ACAD10: variants seen among roughly 807,000 people sequenced by gnomAD.
The protein encoded by ACAD10 is acyl-CoA dehydrogenase family member 10, also known as ACAD-10.
Under a neutral mutation model 116.8 loss-of-function variants are expected in ACAD10, and 112 were observed. That is an observed-to-expected ratio of 0.96 (90% CI 0.82 to 1.12). The LOEUF is 1.12. Ranked by LOEUF, ACAD10 falls within the 50% of genes most tolerant of loss-of-function variation. The pLI is 0.00. For synonymous variants in ACAD10, 486 were observed against 510.6 expected (o/e 0.95, Z 0.65); for missense variants, 1,259 against 1,350.2 (o/e 0.93, Z 1.06).
At chr12:111,716,500 A>G (rs770282815) in intron 7 of ACAD10, among the ~76,000 whole-genome samples, 7 of 152,224 alleles carry the variant, frequency 4.6e-5, no homozygotes, top group Non-Finnish European at 1.0e-4. Flanking sequence ...TCTTAAAGAA[A>G]TAATTCTAAG....
Position 111,746,198 on chromosome 12 carries a change from C to T in ACAD10, c.2170C>T (p.Pro724Ser). The change falls in exon 14 of 21, where the codon CCC (proline) becomes TCC (serine). Residue 724 changes from proline (P) to serine (S), a missense_variant. Pro to Ser is a moderately conservative substitution (Grantham distance 74). Transcript: ENST00000313698. The stretch of plus-strand genomic sequence containing the variant: ...CCTTTTCCTACCCTTAGAGGCTGAT[C>T]CCGAGAAAAAATACGGAGCAGGACT... Reference protein sequence around the residue: ...WNLFLPLEADPEKKYGAGLTN... With the variant: ...WNLFLPLEADSEKKYGAGLTN... 6.2e-7 allele frequency: 1 copy of T among 1,613,922 alleles called. No homozygotes were observed. Among genetic ancestry groups the T allele is most frequent in the East Asian group, 2.2e-5 (1 of 44,872 alleles).
Position 111,734,083 on chromosome 12 carries a change from T to G in ACAD10, c.1540+15T>G. On this transcript the variant is annotated intron_variant, in intron 11 of 20. Transcript: ENST00000313698. ...CGTGCTGAGAGGTAGGAACTGCTGC[T>G]GGAGGATAGTGGGGGAGCAAGCCAG... 6.8e-6 allele frequency: 11 copies of G among 1,614,044 alleles called. No individual in the cohort carries two copies. Among genetic ancestry groups the G allele is most frequent in the Non-Finnish European group, 9.3e-6 (11 of 1,179,964 alleles).
chr12:111,692,853 C>T lies in ACAD10; in HGVS notation c.144C>T (p.Asp48=), dbSNP rs1355368278. 6.2e-7 allele frequency: 1 copy of T among 1,614,060 alleles called. No individual in the cohort carries two copies. Among genetic ancestry groups the T allele is most frequent in the Non-Finnish European group, 8.5e-7 (1 of 1,180,034 alleles). The change falls in exon 2 of 21, where the codon GAC becomes GAT. Residue 48 remains aspartate, a synonymous_variant. Transcript: ENST00000313698. ...GCACCTACAGAGCGGTGATTTTCGACATGGGCGGAGTTCTCATTCCTTCTC... is the reference window on the plus strand; with the variant it reads ...GCACCTACAGAGCGGTGATTTTCGATATGGGCGGAGTTCTCATTCCTTCTC... ...GGSTYRAVIF[D]MGGVLIPSPG...
intron 9 of ACAD10, among the ~76,000 whole-genome samples, chr12:111,729,453 A>G (rs1346485716): frequency 1.3e-5 from 2 of 152,128 alleles, no homozygotes; most frequent in Admixed American, 1.3e-4. Context: ...TGGACAGGCC[A>G]GTCTCGAACT....
chr12:111,731,868 A>C (rs942751463), intron 10 of ACAD10, among the ~76,000 whole-genome samples: 3 of 152,178 alleles, frequency 2.0e-5, no homozygotes, highest in African/African-American at 7.2e-5. Context: ...AGATCACTTG[A>C]GGTCAGGAGT....
intron 18 of ACAD10, among the ~76,000 whole-genome samples, chr12:111,752,058 CAA>C (rs545625198): frequency 1.8e-4 from 19 of 104,580 alleles, no homozygotes; most frequent in Non-Finnish European, 1.3e-4. Context: ...TACTCTGTCT[CAA>C]AAAAAAAAAA....
intron 1 of ACAD10, among the ~76,000 whole-genome samples, chr12:111,687,442 AC>A (rs1887902010): frequency 6.6e-6 from 1 of 152,026 alleles, no homozygotes; most frequent in South Asian, 2.1e-4. Context: ...TGTCAGTAGC[AC>A]CTCTCCCCAG....
At chr12:111,752,278 T>TTTGTTG (rs140625855) in intron 18 of ACAD10, among the ~76,000 whole-genome samples, 8 of 151,354 alleles carry the variant, frequency 5.3e-5, no homozygotes, top group South Asian at 2.1e-4. Flanking sequence ...AAAATAATGT[T>TTTGTTG]TTGTTGTTGT....
intron 12 of ACAD10, among the ~76,000 whole-genome samples, chr12:111,740,715 G>A (rs1304891363): frequency 1.4e-5 from 2 of 144,688 alleles, no homozygotes; most frequent in African/African-American, 5.1e-5. Context: ...CAGGGAGTCA[G>A]AGGTTGCAGT....
chr12:111,702,061 G>A, intron 2 of ACAD10, 101 bp from the exon 3 acceptor site: 3 of 1,278,904 alleles, frequency 2.3e-6, no homozygotes, highest in Non-Finnish European at 3.3e-6. Flanking sequence ...CACCCTGGCA[G>A]TACAGCGAGT....
intron 2 of ACAD10, among the ~76,000 whole-genome samples, chr12:111,698,281 A>G (rs1265579431): frequency 6.8e-5 from 10 of 147,864 alleles, no homozygotes; most frequent in Non-Finnish European, 1.3e-4. Context: ...TATAGGCACA[A>G]GCCACTGCAT....
chr12:111,691,257 A>C (rs1293397792), intron 1 of ACAD10: 1 of 152,386 alleles, frequency 6.6e-6, no homozygotes, highest in Non-Finnish European at 1.5e-5. Context: ...TTTGAGGAAC[A>C]GTTACCAGGC....
chr12:111,707,001 C>T (rs1195134344), intron 4 of ACAD10, among the ~76,000 whole-genome samples: 4 of 151,526 alleles, frequency 2.6e-5, no homozygotes, highest in Non-Finnish European at 4.4e-5. Flanking sequence ...TAGTCTCGAA[C>T]TCCTGACCTC....
intron 13 of ACAD10, 107 bp from the exon 14 acceptor site, chr12:111,746,037 G>A: frequency 2.8e-6 from 4 of 1,453,752 alleles, no homozygotes; most frequent in Non-Finnish European, 3.7e-6. Flanking sequence ...ACACGTGCAT[G>A]TTTGGTTGTC....
At chr12:111,713,346 G>A (rs553308703) in intron 6 of ACAD10, among the ~76,000 whole-genome samples, 3 of 150,572 alleles carry the variant, frequency 2.0e-5, no homozygotes, top group African/African-American at 4.9e-5. Flanking sequence ...ATTGCTGACC[G>A]GGGCGTAGTG....
intron 2 of ACAD10, 98 bp from the exon 3 acceptor site, chr12:111,702,064 C>T (rs977174654): frequency 4.6e-6 from 6 of 1,299,872 alleles, no homozygotes; most frequent in African/African-American, 3.0e-5. Flanking sequence ...CCTGGCAGTA[C>T]AGCGAGTCCG....
At position 111,746,156 on chromosome 12, in the gene ACAD10, G is replaced by A. The variant is rs748082592; in HGVS notation, c.2128G>A (p.Ala710Thr). Residue 710 changes from alanine to threonine, a missense_variant, in exon 14 of 21, where the codon GCT becomes ACT. Coordinates refer to ENST00000313698, the MANE Select transcript of ACAD10 (RefSeq NM_025247.6). ...TTCCCCATGATAGGAGAAAGCCAAA[G>A]CTGAAGGACTTTGGAACCTTTTCCT... ...LIEDLKEKAK[A>T]EGLWNLFLPL... The A allele has an allele frequency of 3.7e-6, 6 of 1,613,184 alleles. No individual in the cohort carries two copies. The South Asian group carries it at 6.6e-5, about 18-fold the overall frequency.
chr12:111,738,631 C>A (rs1417188079), intron 12 of ACAD10, among the ~76,000 whole-genome samples: 1 of 151,840 alleles, frequency 6.6e-6, no homozygotes, highest in Non-Finnish European at 1.5e-5. Context: ...CTTTGGGAGG[C>A]CAAGGTGAGC....
At chr12:111,690,780 C>CAAAAAAAAAAA (rs540935938) in intron 1 of ACAD10, among the ~76,000 whole-genome samples, 844 of 63,410 alleles carry the variant, frequency 0.013, 16 homozygotes, top group African/African-American at 0.042. Flanking sequence ...GTGAGACTCT[C>CAAAAAAAAAAA]AAAAAAAAAA....
Sources: allele counts gnomAD v4.1 joint callset (sites outside exome capture counted in the v4.1 genomes callset), GRCh38; gene constraint gnomAD v4.1.1; transcripts MANE v1.5; gene names NCBI Gene and HGNC (gene_info 2026-07-23, HGNC 2026-07-21).